ACSM6: variants seen among roughly 807,000 people sequenced by gnomAD.
ACSM6 encodes acyl-coenzyme A synthetase ACSM6, mitochondrial.
In ACSM6, 35 loss-of-function variants were observed where a neutral mutation model predicts 51.1. That is an observed-to-expected ratio of 0.69 (90% CI 0.52 to 0.91). ACSM6 has a LOEUF of 0.91. Among genes scored for constraint, ACSM6 ranks in the 40% least tolerant of loss-of-function variants. The pLI, the probability that ACSM6 is intolerant of heterozygous loss-of-function variation, is 0.00. For missense variants in ACSM6, 509 were observed against 584.1 expected (o/e 0.87, Z 1.32); for synonymous variants, 172 against 207.3 (o/e 0.83, Z 1.46).
chr10:95,228,455 A>C lies in ACSM6; in HGVS notation c.1303-189A>C, dbSNP rs111681353. 1,585 of 525,430 alleles carry C rather than the reference A, an allele frequency of 3.0e-3. 27 individuals are homozygous for C. The highest frequency in any genetic ancestry group is 0.028 in the African/African-American group (1,422 of 50,738). 32.5% of individuals were successfully genotyped at this position (525,430 alleles called of 1,614,324 possible). A position where few individuals can be genotyped will look rare whatever the true frequency, so the allele number is the denominator to read the frequency against. ...GCTGGGACAAAAAAAAAAAAGCTGA[A>C]GTTAAGAGAAATGACCAAGGAAAGT... On this transcript the variant is annotated intron_variant, in intron 10 of 10. Coordinates refer to ENST00000341686, the Ensembl canonical transcript of ACSM6.
exon 3 of ACSM6, chr10:95,202,006 C>T (rs1564586700): frequency 1.3e-6 from 2 of 1,551,600 alleles, no homozygotes; most frequent in Non-Finnish European, 1.7e-6. Flanking sequence ...AGGGCCTTAC[C>T]CCGCCCTCTG....
rs905798542 is a variant in ACSM6 at position 95,214,933 on chromosome 10, C to G, written c.1077C>G (p.Ile359Met). The change falls in exon 8 of 11, where the codon ATC (isoleucine) becomes ATG (methionine). Residue 359 changes from isoleucine (I) to methionine (M), a missense_variant. Coordinates refer to ENST00000341686, the Ensembl canonical transcript of ACSM6. ...GGGTGATTGAGGACTGGAAACGCATCACTAAGTTGGACATCTATGAAGGCT... is the reference window on the plus strand; with the variant it reads ...GGGTGATTGAGGACTGGAAACGCATGACTAAGTTGGACATCTATGAAGGCT... 2.8e-5 allele frequency: 44 copies of G among 1,551,522 alleles called. No individual in the cohort carries two copies. The highest frequency in any genetic ancestry group is 5.2e-6 in the Non-Finnish European group (6 of 1,146,934).
chr10:95,223,982 T>C (rs940388789), intron 9 of ACSM6, among the ~76,000 whole-genome samples: 11 of 152,162 alleles, frequency 7.2e-5, no homozygotes, highest in African/African-American at 2.7e-4. Context: ...CAAAAAATTA[T>C]TAATAGTATT....
intron 9 of ACSM6, among the ~76,000 whole-genome samples, chr10:95,221,542 T>A (rs549125785): frequency 3.3e-5 from 5 of 151,954 alleles, no homozygotes; most frequent in African/African-American, 1.2e-4. Flanking sequence ...GCCAAGATCA[T>A]GCCACTGCAC....
chr10:95,208,972 G>C (rs1405814510), intron 4 of ACSM6, among the ~76,000 whole-genome samples: 1 of 80,908 alleles, frequency 1.2e-5, no homozygotes, highest in African/African-American at 3.9e-5. Context: ...CAGTAAACGA[G>C]ACAGTCAAAC....
At chr10:95,224,301 G>A (rs2035019100) in intron 9 of ACSM6, among the ~76,000 whole-genome samples, 1 of 152,182 alleles carries the variant, frequency 6.6e-6, no homozygotes, top group African/African-American at 2.4e-5. Context: ...AATTTGGAAG[G>A]TTGTAGCCCT....
intron 3 of ACSM6, among the ~76,000 whole-genome samples, chr10:95,202,423 T>C (rs1456075572): frequency 6.6e-6 from 1 of 152,170 alleles, no homozygotes; most frequent in Admixed American, 6.5e-5. Flanking sequence ...ATATGGACAG[T>C]AATAGTCCAT....
chr10:95,211,703 A>G (rs1172705492), intron 5 of ACSM6, among the ~76,000 whole-genome samples, 175 bp from the exon 6 acceptor site: 1 of 152,234 alleles, frequency 6.6e-6, no homozygotes, highest in Non-Finnish European at 1.5e-5. Flanking sequence ...TAAGACTGAT[A>G]CTGAAAAAAT....
chr10:95,213,896 T>A (rs1416538647), intron 7 of ACSM6, among the ~76,000 whole-genome samples: 3 of 152,214 alleles, frequency 2.0e-5, no homozygotes, highest in Admixed American at 6.5e-5. Context: ...TTAAATTATG[T>A]TGACATGAAG....
At chr10:95,211,428 C>T (rs1041300273) in intron 5 of ACSM6, among the ~76,000 whole-genome samples, 5 of 152,206 alleles carry the variant, frequency 3.3e-5, no homozygotes, top group African/African-American at 1.2e-4. Context: ...TTACTCCACC[C>T]TCAAGTTCTC....
At chr10:95,212,342 A>T (rs559443819) in intron 6 of ACSM6, among the ~76,000 whole-genome samples, 1 of 152,322 alleles carries the variant, frequency 6.6e-6, no homozygotes, top group South Asian at 2.1e-4. Flanking sequence ...GGCACTTCAT[A>T]TGGATTATTT....
intron 4 of ACSM6, 147 bp downstream of exon 4, chr10:95,207,562 G>A (rs1331418050): frequency 4.6e-6 from 4 of 863,724 alleles, no homozygotes; most frequent in Non-Finnish European, 5.5e-6. Context: ...TGAGAAGGTG[G>A]TGTGAGTGGT....
At chr10:95,228,566 C>T (rs2035063839) in intron 10 of ACSM6, 78 bp from the exon 11 acceptor site, 1 of 1,425,438 alleles carries the variant, frequency 7.0e-7, no homozygotes, top group African/African-American at 1.4e-5. Flanking sequence ...CTGGGGCTAG[C>T]CAGAGTGCTC....
chr10:95,225,043 C>T (rs1200416365), intron 9 of ACSM6, among the ~76,000 whole-genome samples: 1 of 152,102 alleles, frequency 6.6e-6, no homozygotes, highest in African/African-American at 2.4e-5. Context: ...GAGAAGTATC[C>T]AAGAATCTCA....
At chr10:95,225,563 A>G in intron 10 of ACSM6, 172 bp downstream of exon 10, 1 of 470,762 alleles carries the variant, frequency 2.1e-6, no homozygotes, top group South Asian at 4.2e-5. Flanking sequence ...TTCACTTCTT[A>G]TTAAGATTTT....
chr10:95,217,590 C>G (rs2034960016), intron 8 of ACSM6, among the ~76,000 whole-genome samples: 1 of 152,070 alleles, frequency 6.6e-6, no homozygotes, highest in African/African-American at 2.4e-5. Flanking sequence ...ATTAATTATA[C>G]TAAGAAGGGA....
At chr10:95,228,672 G>A in exon 11 of ACSM6, 3 of 1,551,686 alleles carry the variant, frequency 1.9e-6, no homozygotes, top group Non-Finnish European at 2.6e-6. Context: ...GCTTCAGCAA[G>A]AGGCCACATG....
chr10:95,215,392 A>G (rs546880048), intron 8 of ACSM6, among the ~76,000 whole-genome samples: 1 of 152,348 alleles, frequency 6.6e-6, no homozygotes, highest in African/African-American at 2.4e-5. Flanking sequence ...GAGGTTGGAG[A>G]GCATTAATCT....
At chr10:95,200,772 A>G (rs589801) in intron 2 of ACSM6, among the ~76,000 whole-genome samples, 77,920 of 150,434 alleles carry the variant, frequency 0.52, 21,096 homozygotes, top group Middle Eastern at 0.66. Context: ...AAGGTAGGAG[A>G]GAAGGAAAGG....
Sources: allele counts gnomAD v4.1 joint callset (sites outside exome capture counted in the v4.1 genomes callset), GRCh38; gene constraint gnomAD v4.1.1; transcripts MANE v1.5; gene names NCBI Gene and HGNC (gene_info 2026-07-23, HGNC 2026-07-21).